The following AP3B1 variants were observed in gnomAD, a reference collection of about 807,000 sequenced individuals.
The protein encoded by AP3B1 is AP-3 complex subunit beta-1.
Under a neutral mutation model 132.5 loss-of-function variants are expected in AP3B1, and 61 were observed. The observed-to-expected ratio is 0.46, with a 90% CI of 0.37 to 0.57. The LOEUF (loss-of-function observed/expected upper bound fraction) is 0.57, where lower values mean the gene tolerates loss of function less well. Ranked by LOEUF, AP3B1 falls within the 20% of genes least tolerant of loss-of-function variation. The pLI is 0.00. For synonymous variants in AP3B1, 388 were observed against 438.3 expected (o/e 0.89, Z 1.43); for missense variants, 1,120 against 1,289.4 (o/e 0.87, Z 2.01).
At chr5:78,114,367 T>G (rs1751731013) in intron 18 of AP3B1, among the ~76,000 whole-genome samples, 1 of 152,094 alleles carries the variant, frequency 6.6e-6, no homozygotes, top group African/African-American at 2.4e-5. Context: ...GAACAAATTT[T>G]GAGAGGAAAA....
At chr5:78,010,735 C>T (rs1022135869) in intron 26 of AP3B1, among the ~76,000 whole-genome samples, 10 of 152,084 alleles carry the variant, frequency 6.6e-5, no homozygotes, top group Admixed American at 5.9e-4. Flanking sequence ...GAGGTCTTGC[C>T]CTTTCACCTT....
In AP3B1 at chr5:78,002,589, C is replaced by A; in HGVS notation, c.*313G>T. On this transcript the variant is annotated 3_prime_UTR_variant, in exon 27 of 27. Transcript: ENST00000255194. ...ACTTTAAATATCTCATTCATGTCTACCATTGTCGAAAAAGAGAAGGAAAAC... is the reference window on the plus strand; with the variant it reads ...ACTTTAAATATCTCATTCATGTCTAACATTGTCGAAAAAGAGAAGGAAAAC... The A allele has an allele frequency of 1.7e-6, 1 of 572,362 alleles. No homozygotes were observed. 35.5% of individuals were successfully genotyped at this position (572,362 alleles called of 1,614,324 possible). A position where few individuals can be genotyped will look rare whatever the true frequency, so the allele number is the denominator to read the frequency against.
chr5:78,173,069 T>C (rs144683547), intron 11 of AP3B1, among the ~76,000 whole-genome samples: 10 of 152,318 alleles, frequency 6.6e-5, no homozygotes, highest in African/African-American at 2.2e-4. Flanking sequence ...AGTTGTGCAG[T>C]TTTGAGTGAG....
Position 78,165,637 on chromosome 5 carries a change from G to A in AP3B1, c.1203C>T (p.Asn401=), listed in dbSNP as rs1743583676. 22 of 1,609,630 alleles carry A rather than the reference G, an allele frequency of 1.4e-5. No individual in the cohort carries two copies. The highest frequency in any genetic ancestry group is 1.9e-5 in the Non-Finnish European group (22 of 1,177,116). ...GAAATTCTCGAAGAAGAGTTGATAT[G>A]TTGGCTTCATTTGCCAAGTTTGTCA... ...EILTNLANEA[N]ISTLLREFQT... is the part of the protein sequence containing the mutation. Residue 401 remains asparagine (N), a synonymous_variant, in exon 12 of 27, where the codon AAC becomes AAT. Transcript: ENST00000255194.
rs745547790 is a variant in AP3B1, at chr5:78,294,620, G to A, written c.-41C>T. 2 of 1,612,860 alleles carry A rather than the reference G, an allele frequency of 1.2e-6. No individual in the cohort carries two copies. The highest frequency in any genetic ancestry group is 1.1e-5 in the South Asian group (1 of 91,088). ...GGGTGCGGGGTTGGTCCTGCCGGGG[G>A]TTCTCTCCAAAAGGTTCCAGTCCAG... On this transcript the variant is annotated 5_prime_UTR_variant, in exon 1 of 27. Coordinates refer to ENST00000255194, the MANE Select transcript of AP3B1 (RefSeq NM_003664.5).
intron 26 of AP3B1, among the ~76,000 whole-genome samples, chr5:78,009,049 T>C (rs1203684155): frequency 1.3e-5 from 2 of 152,142 alleles, no homozygotes; most frequent in Non-Finnish European, 2.9e-5. Flanking sequence ...AGCTACACAT[T>C]ATAGATCTTT....
At chr5:78,135,995 A>G (rs994910151) in intron 15 of AP3B1, among the ~76,000 whole-genome samples, 1 of 145,076 alleles carries the variant, frequency 6.9e-6, no homozygotes, top group African/African-American at 2.5e-5. Context: ...ACTTATTTCT[A>G]ACCATTTTTT....
At chr5:78,290,135 T>C (rs1474085791) in intron 1 of AP3B1, among the ~76,000 whole-genome samples, 2 of 152,236 alleles carry the variant, frequency 1.3e-5, no homozygotes, top group Non-Finnish European at 2.9e-5. Context: ...CGTCTAGAAA[T>C]GAGGAAACTG....
chr5:78,253,651 A>G (rs563619874), intron 2 of AP3B1, among the ~76,000 whole-genome samples: 72 of 152,192 alleles, frequency 4.7e-4, no homozygotes, highest in Non-Finnish European at 7.8e-4. Context: ...AAGAAATTCA[A>G]GATCAGAGAA....
chr5:78,033,952 G>T (rs1379895271), intron 24 of AP3B1, among the ~76,000 whole-genome samples: 1 of 151,818 alleles, frequency 6.6e-6, no homozygotes, highest in Non-Finnish European at 1.5e-5. Context: ...AGAATCTCAA[G>T]ATAACATGTA....
At chr5:78,211,286 A>G (rs1745725909) in intron 7 of AP3B1, among the ~76,000 whole-genome samples, 1 of 152,184 alleles carries the variant, frequency 6.6e-6, no homozygotes, top group Admixed American at 6.5e-5. Flanking sequence ...GACATCCACT[A>G]TTTATCATCA....
In AP3B1 at chr5:78,031,810, T is replaced by C. The variant is rs370166731; in HGVS notation, c.2894+2551A>G. On this transcript the variant is annotated intron_variant, in intron 24 of 26. Coordinates refer to ENST00000255194, the MANE Select transcript of AP3B1 (RefSeq NM_003664.5). Reference sequence around the variant, plus strand: ...TGCCTCATAATTTCTGGTCAGCTAATGGCATCTGTTCTTATATTTTCAGTG... The same window carrying C: ...TGCCTCATAATTTCTGGTCAGCTAACGGCATCTGTTCTTATATTTTCAGTG... 3.9e-5 allele frequency among the ~76,000 whole-genome samples: 6 copies of C among 152,354 alleles called. No homozygotes were observed. The East Asian group carries it at 9.6e-4, about 24-fold the overall frequency.
chr5:78,292,453 T>A (rs1454717796), intron 1 of AP3B1, among the ~76,000 whole-genome samples: 1 of 152,192 alleles, frequency 6.6e-6, no homozygotes, highest in East Asian at 1.9e-4. Flanking sequence ...TTTCATCAAG[T>A]AGTAAGTAGC....
At chr5:78,193,770 A>ATATATATATATATTTTTTTTTTTTT in intron 7 of AP3B1, among the ~76,000 whole-genome samples, 1 of 67,216 alleles carries the variant, frequency 1.5e-5, no homozygotes, top group African/African-American at 5.2e-5. Context: ...ATATATATAT[A>ATATATATATATATTTTTTTTTTTTT]TTTTTTTTTT....
chr5:78,180,890 G>A (rs1031061908), intron 8 of AP3B1, among the ~76,000 whole-genome samples: 1 of 151,742 alleles, frequency 6.6e-6, no homozygotes, highest in Non-Finnish European at 1.5e-5. Flanking sequence ...TTGTGCACAT[G>A]TATTCTTCTA....
At chr5:78,247,152 GT>G (rs1282862662) in intron 2 of AP3B1, among the ~76,000 whole-genome samples, 1 of 151,242 alleles carries the variant, frequency 6.6e-6, no homozygotes, top group African/African-American at 2.4e-5. Flanking sequence ...CAATGACTGT[GT>G]TTAGTTTAAT....
rs762301369 is a variant in AP3B1 at position 78,141,108 on chromosome 5, C to T, written c.1650+35G>A. 61 of 1,589,010 alleles carry T rather than the reference C, an allele frequency of 3.8e-5. No individual in the cohort carries two copies. The South Asian group carries it at 6.3e-4, about 16-fold the overall frequency. On this transcript the variant is annotated intron_variant, in intron 15 of 26. Coordinates refer to ENST00000255194, the MANE Select transcript of AP3B1 (RefSeq NM_003664.5). ...TTTGATCAGAGTGAAGAGGAAAGTA[C>T]GTATTAGATAGGTTGACTAACATTT...
At chr5:78,094,848 T>G (rs1185180295) in intron 21 of AP3B1, among the ~76,000 whole-genome samples, 1 of 152,084 alleles carries the variant, frequency 6.6e-6, no homozygotes, top group Non-Finnish European at 1.5e-5. Context: ...GCCTGGCTAA[T>G]TTTTCTATTT....
At chr5:78,053,477 C>T (rs558149182) in intron 22 of AP3B1, among the ~76,000 whole-genome samples, 2 of 151,526 alleles carry the variant, frequency 1.3e-5, no homozygotes, top group Non-Finnish European at 2.9e-5. Flanking sequence ...GTCAGGAGTT[C>T]GAGACCAGCC....
Sources: gnomAD v4.1 joint callset for allele counts (sites outside exome capture counted in the v4.1 genomes callset) on GRCh38, gnomAD v4.1.1 for gene constraint, MANE v1.5 for transcripts, NCBI Gene and HGNC (gene_info 2026-07-23, HGNC 2026-07-21) for gene names.